The following ITGBL1 variants were observed in gnomAD, a reference collection of about 807,000 sequenced individuals.
ITGBL1 encodes integrin beta-like protein 1.
Under a neutral mutation model 68.5 loss-of-function variants are expected in ITGBL1, and 51 were observed. That is an observed-to-expected ratio of 0.74 (90% CI 0.59 to 0.94). The LOEUF (loss-of-function observed/expected upper bound fraction) is 0.94, where lower values mean the gene tolerates loss of function less well. Ranked by LOEUF, ITGBL1 falls within the 40% of genes least tolerant of loss-of-function variation. The pLI, the probability that ITGBL1 is intolerant of heterozygous loss-of-function variation, is 0.00. For synonymous variants in ITGBL1, 209 were observed against 227.3 expected, an observed-to-expected ratio of 0.92 and a Z score of 0.72; for missense variants, 649 against 647.4, an observed-to-expected ratio of 1.00 and a Z score of -0.03.
intron 7 of ITGBL1, among the ~76,000 whole-genome samples, chr13:101,600,120 T>G (rs2030268057): frequency 6.6e-6 from 1 of 152,196 alleles, no homozygotes; most frequent in Non-Finnish European, 1.5e-5. Flanking sequence ...CATTGAGCAG[T>G]GGTTTGTAGT....
intron 7 of ITGBL1, among the ~76,000 whole-genome samples, chr13:101,668,639 T>C (rs1247910909): frequency 6.6e-6 from 1 of 152,186 alleles, no homozygotes; most frequent in African/African-American, 2.4e-5. Flanking sequence ...TATCTCAGTT[T>C]TCATGAATAA....
intron 2 of ITGBL1, among the ~76,000 whole-genome samples, chr13:101,459,013 A>G (rs2048283228): frequency 6.6e-6 from 1 of 152,240 alleles, no homozygotes; most frequent in Non-Finnish European, 1.5e-5. Flanking sequence ...AGATGAATTA[A>G]AACTCATGCT....
chr13:101,705,656 T>G (rs2034246386), intron 8 of ITGBL1, among the ~76,000 whole-genome samples: 1 of 151,956 alleles, frequency 6.6e-6, no homozygotes, highest in Non-Finnish European at 1.5e-5. Context: ...TTGCAAACCA[T>G]TAAGCATTGG....
intron 7 of ITGBL1, among the ~76,000 whole-genome samples, chr13:101,685,859 A>C (rs1021412866): frequency 6.6e-6 from 1 of 151,938 alleles, no homozygotes; most frequent in Non-Finnish European, 1.5e-5. Flanking sequence ...ATAGCCTAAG[A>C]AGAATTCGTA....
chr13:101,673,890 C>T (rs1255199951), intron 7 of ITGBL1, among the ~76,000 whole-genome samples: 2 of 152,174 alleles, frequency 1.3e-5, no homozygotes, highest in Non-Finnish European at 1.5e-5. Context: ...GCAATCACTT[C>T]CCTCTGACAT....
chr13:101,710,344 G>A (rs1310501383), intron 9 of ITGBL1, among the ~76,000 whole-genome samples: 1 of 152,074 alleles, frequency 6.6e-6, no homozygotes, highest in East Asian at 1.9e-4. Context: ...CTGGATTATC[G>A]ATGACGAAAG....
intron 2 of ITGBL1, among the ~76,000 whole-genome samples, chr13:101,486,119 A>AC (rs35905209): frequency 0.24 from 36,566 of 152,080 alleles, 4,892 homozygotes; most frequent in East Asian, 0.48. Flanking sequence ...AGTGGATAAA[A>AC]AAAAAATGTG....
downstream of ITGBL1, chr13:101,719,071 G>T (rs1174748909): frequency 3.3e-5 from 5 of 151,972 alleles, no homozygotes; most frequent in Non-Finnish European, 7.4e-5. Flanking sequence ...TTTTCATCTT[G>T]TTCTCAACTG....
At chr13:101,634,031 G>A (rs568086060) in intron 7 of ITGBL1, among the ~76,000 whole-genome samples, 38 of 152,196 alleles carry the variant, frequency 2.5e-4, no homozygotes, top group Middle Eastern at 3.4e-3. Flanking sequence ...AATGAGAAAA[G>A]TTATCAATAG....
At chr13:101,637,372 C>T (rs1421625843) in intron 7 of ITGBL1, among the ~76,000 whole-genome samples, 1 of 137,486 alleles carries the variant, frequency 7.3e-6, no homozygotes, top group Admixed American at 7.7e-5. Context: ...GAGACAGAGT[C>T]TCACTCTGTC....
Position 101,574,389 on chromosome 13 carries a change from A to G in ITGBL1, c.464-1035A>G, listed in dbSNP as rs537496866. On this transcript the variant is annotated intron_variant, in intron 3 of 10. Coordinates refer to ENST00000376180, the MANE Select transcript of ITGBL1 (RefSeq NM_004791.3). ...TTCTCTTGGCTTTTAGTTCTCAGCT[A>G]CTTCCTCAGGGACTCTGACTTTGAC... 3.3e-5 allele frequency among the ~76,000 whole-genome samples: 5 copies of G among 152,230 alleles called. No homozygotes were observed. In the South Asian group the frequency reaches 6.2e-4, roughly 19 times the overall value.
At position 101,455,986 on chromosome 13, in the gene ITGBL1, C is replaced by T. The variant is rs139070457; in HGVS notation, c.316+1886C>T. 1.5e-3 allele frequency among the ~76,000 whole-genome samples: 221 copies of T among 152,188 alleles called. 1 individual carries two copies. The highest frequency in any genetic ancestry group is 4.8e-3 in the African/African-American group (200 of 41,532). ...AGATTCACTTTCCCTGTTGAAGAAC[C>T]TAGGCTGGTGCTTTTCTCCGAGAAA... On this transcript the variant is annotated intron_variant, in intron 2 of 10. Transcript: ENST00000376180.
At chr13:101,643,112 T>C (rs2032443462) in intron 7 of ITGBL1, among the ~76,000 whole-genome samples, 1 of 151,730 alleles carries the variant, frequency 6.6e-6, no homozygotes, top group Non-Finnish European at 1.5e-5. Flanking sequence ...AAGTCATTGG[T>C]AGCTTGATGG....
At chr13:101,640,131 C>T (rs926548040) in intron 7 of ITGBL1, among the ~76,000 whole-genome samples, 1 of 152,028 alleles carries the variant, frequency 6.6e-6, no homozygotes, top group Non-Finnish European at 1.5e-5. Context: ...TTCAGAAAGA[C>T]AAGAAGTCCA....
At chr13:101,491,240 G>A (rs1216989109) in intron 2 of ITGBL1, among the ~76,000 whole-genome samples, 1 of 152,148 alleles carries the variant, frequency 6.6e-6, no homozygotes, top group African/African-American at 2.4e-5. Flanking sequence ...GCAAGGTCAG[G>A]AGATAGGGTT....
chr13:101,683,878 C>T (rs1299932892), intron 7 of ITGBL1, among the ~76,000 whole-genome samples: 1 of 151,904 alleles, frequency 6.6e-6, no homozygotes, highest in Non-Finnish European at 1.5e-5. Flanking sequence ...CTGAAGTGCC[C>T]ATTCAGATCT....
downstream of ITGBL1, chr13:101,717,317 T>G (rs2034763196): frequency 2.0e-5 from 3 of 152,144 alleles, 1 homozygote; most frequent in South Asian, 6.2e-4. Context: ...AATTGTTATC[T>G]CTATCCTGAG....
intron 6 of ITGBL1, among the ~76,000 whole-genome samples, chr13:101,587,401 G>A (rs1022957587): frequency 2.6e-5 from 4 of 151,948 alleles, no homozygotes; most frequent in African/African-American, 2.4e-5. Context: ...ACACATACAC[G>A]CACCCCTCAA....
At chr13:101,707,557 C>T (rs745415815) in intron 9 of ITGBL1, among the ~76,000 whole-genome samples, 2 of 151,934 alleles carry the variant, frequency 1.3e-5, no homozygotes, top group East Asian at 1.9e-4. Flanking sequence ...GGTAATTGTT[C>T]GGTTGGGCAC....
Sources: allele counts gnomAD v4.1 joint callset (sites outside exome capture counted in the v4.1 genomes callset), GRCh38; gene constraint gnomAD v4.1.1; transcripts MANE v1.5; gene names NCBI Gene and HGNC (gene_info 2026-07-23, HGNC 2026-07-21).